Variants in GOLGA4 observed in about 807,000 individuals in gnomAD.
The protein encoded by GOLGA4 is golgin subfamily A member 4.
In GOLGA4, 169 loss-of-function variants were observed where a neutral mutation model predicts 265.9. The ratio of observed to expected loss-of-function variants is 0.64; its 90% CI spans 0.56 to 0.72. The LOEUF (loss-of-function observed/expected upper bound fraction) is 0.72. Ranked by LOEUF, GOLGA4 falls within the 30% of genes least tolerant of loss-of-function variation. The probability of loss-of-function intolerance (pLI) is 0.00; values close to 1 mark genes in which losing one functional copy is unlikely to be tolerated. For synonymous variants in GOLGA4, 923 were observed against 855.8 expected (o/e 1.08, Z -1.37); for missense variants, 2,482 against 2,483.4 (o/e 1.00, Z 0.01).
intron 12 of GOLGA4, chr3:37,320,087 T>A (rs1020368085): frequency 5.2e-5 from 7 of 133,972 alleles, no homozygotes; most frequent in Non-Finnish European, 8.4e-5. Flanking sequence ...TAATTTTCAG[T>A]CCATACGATG....
intron 2 of GOLGA4, among the ~76,000 whole-genome samples, chr3:37,272,968 A>G (rs2096802827): frequency 1.3e-5 from 2 of 152,198 alleles, no homozygotes; most frequent in South Asian, 2.1e-4. Context: ...CCTTTGGCAT[A>G]CCAACAGAAC....
chr3:37,303,631 C>T (rs887638536), intron 10 of GOLGA4, among the ~76,000 whole-genome samples: 3 of 152,182 alleles, frequency 2.0e-5, no homozygotes, highest in Admixed American at 6.5e-5. Flanking sequence ...GAAATTGGAA[C>T]ATCTTTCAGG....
At chr3:37,351,530 G>A (rs1056420881) in intron 21 of GOLGA4, among the ~76,000 whole-genome samples, 6 of 152,114 alleles carry the variant, frequency 3.9e-5, no homozygotes, top group Non-Finnish European at 7.4e-5. Context: ...TGTCATGAGA[G>A]GAATCATTAC....
intron 14 of GOLGA4, 107 bp downstream of exon 14, chr3:37,327,932 A>G: frequency 1.2e-6 from 1 of 843,116 alleles, no homozygotes; most frequent in South Asian, 2.0e-5. Flanking sequence ...AAGTTTCACC[A>G]ACCCAAAATA....
chr3:37,266,122 T>C (rs2096782977), intron 2 of GOLGA4, among the ~76,000 whole-genome samples: 1 of 152,012 alleles, frequency 6.6e-6, no homozygotes, highest in Non-Finnish European at 1.5e-5. Context: ...CTTACGTAGC[T>C]TGCGTGTCTG....
intron 21 of GOLGA4, among the ~76,000 whole-genome samples, chr3:37,354,167 T>A (rs777168449): frequency 3.3e-4 from 50 of 151,996 alleles, no homozygotes; most frequent in Non-Finnish European, 6.0e-4. Context: ...TTAACTATAT[T>A]ATCTTTTCCT....
intron 13 of GOLGA4, among the ~76,000 whole-genome samples, chr3:37,322,422 C>G (rs1039581406): frequency 5.9e-5 from 9 of 152,070 alleles, no homozygotes; most frequent in African/African-American, 2.2e-4. Flanking sequence ...CTGATCCTTT[C>G]CTTAGCAGTA....
At chr3:37,255,055 T>C (rs1446038096) in intron 2 of GOLGA4, among the ~76,000 whole-genome samples, 1 of 150,708 alleles carries the variant, frequency 6.6e-6, no homozygotes, top group East Asian at 1.9e-4. Flanking sequence ...ACTAAAAAAA[T>C]GATAAAGTTT....
chr3:37,327,862 T>C (rs751564753), intron 14 of GOLGA4, 37 bp downstream of exon 14: 191 of 1,501,828 alleles, frequency 1.3e-4, no homozygotes, highest in Non-Finnish European at 1.7e-4. Flanking sequence ...TTTATGGCAG[T>C]CCTTCTTAAT....
intron 12 of GOLGA4, among the ~76,000 whole-genome samples, chr3:37,320,991 T>C (rs1161336930): frequency 1.3e-5 from 2 of 152,224 alleles, no homozygotes; most frequent in Non-Finnish European, 2.9e-5. Flanking sequence ...ATTTAAGTAG[T>C]GCACTTGAGT....
intron 2 of GOLGA4, among the ~76,000 whole-genome samples, chr3:37,253,335 A>G (rs1198703584): frequency 1.3e-5 from 2 of 152,056 alleles, no homozygotes; most frequent in Admixed American, 6.6e-5. Context: ...GAGAAACCGC[A>G]TAGGGTACAG....
At chr3:37,306,501 CTGTGTGTGTGTGTGTGTGTGTG>C (rs35641880) in intron 10 of GOLGA4, among the ~76,000 whole-genome samples, 2 of 140,100 alleles carry the variant, frequency 1.4e-5, no homozygotes, top group African/African-American at 2.6e-5. Flanking sequence ...TGGCTGTTCT[CTGTGTGTGTGTGTGTGTGTGTG>C]TGTGTGTGTG....
intron 13 of GOLGA4, 88 bp downstream of exon 13, chr3:37,321,974 G>A: frequency 9.9e-7 from 1 of 1,009,206 alleles, no homozygotes; most frequent in South Asian, 1.7e-5. Context: ...AAGTTTCGAA[G>A]ATTACTGGAT....
intron 23 of GOLGA4, 78 bp downstream of exon 23, chr3:37,361,383 T>G: frequency 1.1e-6 from 1 of 948,146 alleles, no homozygotes; most frequent in South Asian, 1.4e-5. Flanking sequence ...TTGCTGGAAT[T>G]CTTTTGCTCT....
At chr3:37,350,961 G>A (rs1380934985) in intron 21 of GOLGA4, among the ~76,000 whole-genome samples, 1 of 152,094 alleles carries the variant, frequency 6.6e-6, no homozygotes, top group East Asian at 1.9e-4. Flanking sequence ...GTTGCTGAAG[G>A]TTGGGGTGTC....
chr3:37,261,876 G>A (rs1048904402), intron 2 of GOLGA4, among the ~76,000 whole-genome samples: 2 of 152,146 alleles, frequency 1.3e-5, no homozygotes, highest in Non-Finnish European at 2.9e-5. Context: ...TTGCCATAAG[G>A]TAAGAAACCT....
chr3:37,306,501 C>CTCTGTG (rs1553613636), intron 10 of GOLGA4, among the ~76,000 whole-genome samples: 1 of 140,102 alleles, frequency 7.1e-6, no homozygotes, highest in South Asian at 2.4e-4. Context: ...TGGCTGTTCT[C>CTCTGTG]TGTGTGTGTG....
chr3:37,244,276 G>T (rs1276475308), intron 1 of GOLGA4: 1 of 152,292 alleles, frequency 6.6e-6, no homozygotes, highest in Non-Finnish European at 1.5e-5. Context: ...GTTAATCCGG[G>T]ACTGGCGGGC....
rs184620587 is a variant in GOLGA4 at position 37,333,307 on chromosome 3, A to C, written c.6193-1746A>C. ...TGGCATAATAACTAGTCTTCAAAAC[A>C]TAACCTGTTATGTATATACATAAAG... On this transcript the variant is annotated intron_variant, in intron 16 of 23. Transcript: ENST00000361924. Among the ~76,000 whole-genome samples, 25 of 152,348 alleles carry C rather than the reference A, an allele frequency of 1.6e-4. No individual in the cohort carries two copies. In the East Asian group the frequency reaches 3.9e-3, roughly 23 times the overall value.
Sources: gnomAD v4.1 joint callset for allele counts (sites outside exome capture counted in the v4.1 genomes callset) on GRCh38, gnomAD v4.1.1 for gene constraint, MANE v1.5 for transcripts, NCBI Gene and HGNC (gene_info 2026-07-23, HGNC 2026-07-21) for gene names.